MINAR2: variants seen among roughly 807,000 people sequenced by gnomAD.
The protein encoded by MINAR2 is membrane integral NOTCH2 associated receptor 2, also known as major intrinsically disordered NOTCH2-binding receptor 1-like.
Under a neutral mutation model 16.1 loss-of-function variants are expected in MINAR2, and 21 were observed. That is an observed-to-expected ratio of 1.31 (90% CI 0.93 to 1.88). The LOEUF (loss-of-function observed/expected upper bound fraction) is 1.88. Among genes scored for constraint, MINAR2 ranks in the 40% most tolerant of loss-of-function variants. The pLI, the probability that MINAR2 is intolerant of heterozygous loss-of-function variation, is 0.00. For missense variants in MINAR2, 259 were observed against 229.8 expected, an observed-to-expected ratio of 1.13 and a Z score of -0.82; for synonymous variants, 86 against 83.0, an observed-to-expected ratio of 1.04 and a Z score of -0.20.
At chr5:129,761,319 TCCAC>T (rs1758132240) in intron 2 of MINAR2, among the ~76,000 whole-genome samples, 1 of 152,168 alleles carries the variant, frequency 6.6e-6, no homozygotes, top group Non-Finnish European at 1.5e-5. Flanking sequence ...TTGGCTTGCC[TCCAC>T]CTGCCCTAGG....
chr5:129,762,438 T>G (rs781065915), intron 2 of MINAR2: 1 of 232,714 alleles, frequency 4.3e-6, no homozygotes, highest in Non-Finnish European at 9.7e-6. Context: ...TTGTTCACTA[T>G]AAAAGCCCAA....
chr5:129,763,692 G>A (rs1325514401), intron 2 of MINAR2, among the ~76,000 whole-genome samples: 3 of 152,134 alleles, frequency 2.0e-5, no homozygotes, highest in South Asian at 2.1e-4. Context: ...TAACATTTTA[G>A]CATTTCTAAA....
In MINAR2 at chr5:129,765,001, AT is replaced by A; in HGVS notation, c.515del (p.Leu172TyrfsTer11). The A allele has an allele frequency of 1.5e-6, 2 of 1,366,838 alleles. No homozygotes were observed. The highest frequency in any genetic ancestry group is 3.9e-5 in the South Asian group (2 of 50,746). The allele number at this position is 1,366,838 out of a possible 1,614,324, so 84.7% of individuals were successfully genotyped here. ...KHSKFCRMGL[I>X]LLVVISILVT... Reference sequence around the variant, plus strand: ...TTCAAAATTCTGTCGTATGGGTCTGATTTTACTTGTCGTTATCTCCATCTTG... The same window carrying A: ...TTCAAAATTCTGTCGTATGGGTCTGATTTACTTGTCGTTATCTCCATCTTG... On this transcript the variant is annotated frameshift_variant, in exon 3 of 3. Coordinates refer to ENST00000564719, the MANE Select transcript of MINAR2 (RefSeq NM_001257308.2). LOFTEE classifies it high-confidence loss of function.
intron 1 of MINAR2, among the ~76,000 whole-genome samples, chr5:129,758,350 G>A (rs1758081876): frequency 6.6e-6 from 1 of 151,848 alleles, no homozygotes; most frequent in African/African-American, 2.4e-5. Flanking sequence ...TGCTTATTTT[G>A]TGATTAAATT....
chr5:129,757,685 T>C (rs998706278), intron 1 of MINAR2, among the ~76,000 whole-genome samples: 13 of 151,972 alleles, frequency 8.6e-5, no homozygotes, highest in Non-Finnish European at 1.2e-4. Flanking sequence ...TAGTAATATC[T>C]CTATCTCCTC....
chr5:129,760,092 T>C (rs888951856), intron 1 of MINAR2, among the ~76,000 whole-genome samples: 1 of 152,176 alleles, frequency 6.6e-6, no homozygotes, highest in Non-Finnish European at 1.5e-5. Context: ...TTGTTTGGAA[T>C]TCTACTGTTT....
intron 2 of MINAR2, among the ~76,000 whole-genome samples, chr5:129,762,127 C>A (rs554376743): frequency 1.3e-5 from 2 of 151,990 alleles, no homozygotes; most frequent in South Asian, 4.2e-4. Context: ...ACAGGTATAA[C>A]TATGTAACAA....
At chr5:129,760,741 T>A (rs1476849990) in intron 2 of MINAR2, 136 bp downstream of exon 2, 4 of 678,878 alleles carry the variant, frequency 5.9e-6, no homozygotes, top group Non-Finnish European at 7.4e-6. Context: ...TTTTGGCTCC[T>A]GGCTTTTCTT....
intron 1 of MINAR2, among the ~76,000 whole-genome samples, chr5:129,753,899 C>A (rs574501530): frequency 6.6e-6 from 1 of 152,098 alleles, no homozygotes; most frequent in African/African-American, 2.4e-5. Flanking sequence ...CCTTTCTAAG[C>A]TTATATTGGA....
rs1009980241 is a variant in MINAR2, at chr5:129,765,670, T to C, written c.*607T>C. Reference sequence around the variant, plus strand: ...TTCTTATTTCCCCAGTAATCATCTATGATGCCCCAATTTCATGTTGCAATT... The same window carrying C: ...TTCTTATTTCCCCAGTAATCATCTACGATGCCCCAATTTCATGTTGCAATT... On this transcript the variant is annotated 3_prime_UTR_variant, in exon 3 of 3. Coordinates refer to ENST00000564719, the MANE Select transcript of MINAR2 (RefSeq NM_001257308.2). 2 of 152,326 alleles carry C rather than the reference T, an allele frequency of 1.3e-5. No homozygotes were observed. Among genetic ancestry groups the C allele is most frequent in the East Asian group, 1.9e-4 (1 of 5,184 alleles). 9.4% of individuals were successfully genotyped at this position (152,326 alleles called of 1,614,324 possible).
chr5:129,762,293 T>C (rs1226712855), intron 2 of MINAR2, among the ~76,000 whole-genome samples: 1 of 152,210 alleles, frequency 6.6e-6, no homozygotes, highest in Non-Finnish European at 1.5e-5. Flanking sequence ...AAATGCCTTT[T>C]CCCTCACATT....
At chr5:129,762,576 G>T in intron 2 of MINAR2, 1 of 346,804 alleles carries the variant, frequency 2.9e-6, no homozygotes. Flanking sequence ...TGTGGAATTA[G>T]TCCATCATCA....
intron 1 of MINAR2, among the ~76,000 whole-genome samples, chr5:129,758,730 A>G (rs1462452183): frequency 1.3e-5 from 2 of 151,998 alleles, no homozygotes; most frequent in African/African-American, 4.8e-5. Context: ...ATGATCAAAG[A>G]TGCCTAGCCT....
Position 129,760,564 on chromosome 5 carries a change from G to A in MINAR2, c.352G>A (p.Asp118Asn), listed in dbSNP as rs139057598. 1.3e-6 allele frequency: 2 copies of A among 1,535,348 alleles called. No individual in the cohort carries two copies. The highest frequency in any genetic ancestry group is 1.7e-6 in the Non-Finnish European group (2 of 1,146,458). Residue 118 changes from aspartate (D) to asparagine (N), a missense_variant, in exon 2 of 3, where the codon GAC (aspartate) becomes AAC (asparagine). By Grantham distance (23) the Asp-to-Asn change is conservative. Transcript: ENST00000564719. ...CCCCTCATGGACCATTGAGGAATAT[G>A]ACAAACATTCCCTGCACACAAACCT... The part of the protein sequence containing the change: ...KNPSWTIEEY[D>N]KHSLHTNLSG...
intron 1 of MINAR2, among the ~76,000 whole-genome samples, chr5:129,756,409 T>A (rs1014552657): frequency 6.6e-6 from 1 of 152,028 alleles, no homozygotes; most frequent in Non-Finnish European, 1.5e-5. Flanking sequence ...TTTATGAGAT[T>A]TTGGTGCACC....
chr5:129,753,828 AAAAG>A (rs1366886122), intron 1 of MINAR2, among the ~76,000 whole-genome samples: 1 of 152,074 alleles, frequency 6.6e-6, no homozygotes, highest in Non-Finnish European at 1.5e-5. Context: ...GAGAAGAAGA[AAAAG>A]AGAAAGAAAG....
At chr5:129,751,820 T>A (rs116726912) in intron 1 of MINAR2, among the ~76,000 whole-genome samples, 2,631 of 152,210 alleles carry the variant, frequency 0.017, 33 homozygotes, top group Middle Eastern at 0.034. Context: ...GCCAACCCCT[T>A]TATAAAACAA....
intron 1 of MINAR2, among the ~76,000 whole-genome samples, chr5:129,751,500 C>T (rs1257386999): frequency 6.6e-6 from 1 of 152,134 alleles, no homozygotes; most frequent in Non-Finnish European, 1.5e-5. Flanking sequence ...AGTCACCATG[C>T]CTGGCCTCAA....
chr5:129,751,628 T>C lies in MINAR2; in HGVS notation c.165+3273T>C, dbSNP rs190948234. On this transcript the variant is annotated intron_variant, in intron 1 of 2. Transcript: ENST00000564719. The stretch of plus-strand genomic sequence containing the variant: ...GCAGAGAGTATACACAGATATTATT[T>C]GATTCTATTATATTTATACTTCTCC... 1.5e-3 allele frequency among the ~76,000 whole-genome samples: 224 copies of C among 152,280 alleles called. 1 individual carries two copies. The highest frequency in any genetic ancestry group is 6.8e-3 in the Middle Eastern group (2 of 294).
Sources: allele counts gnomAD v4.1 joint callset (sites outside exome capture counted in the v4.1 genomes callset), GRCh38; gene constraint gnomAD v4.1.1; transcripts MANE v1.5; gene names NCBI Gene and HGNC (gene_info 2026-07-23, HGNC 2026-07-21).